The following PITPNB variants were observed in gnomAD, a reference collection of about 807,000 sequenced individuals.
PITPNB encodes phosphatidylinositol transfer protein beta, also known as phosphatidylinositol transfer protein beta isoform.
A neutral mutation model predicts 45.9 loss-of-function variants in PITPNB; 16 were observed. That is an observed-to-expected ratio of 0.35 (90% confidence interval 0.24 to 0.53). The LOEUF (loss-of-function observed/expected upper bound fraction) is 0.53, where lower values mean the gene tolerates loss of function less well. Ranked by LOEUF, PITPNB falls within the 20% of genes least tolerant of loss-of-function variation. PITPNB has a pLI of 0.93. For synonymous variants in PITPNB, 112 were observed against 108.9 expected (o/e 1.03, Z -0.18); for missense variants, 188 against 330.5 (o/e 0.57, Z 3.34).
chr22:27,866,411 G>C (rs991968813), intron 8 of PITPNB, among the ~76,000 whole-genome samples: 4 of 152,172 alleles, frequency 2.6e-5, no homozygotes, highest in Non-Finnish European at 5.9e-5. Context: ...ATGTATACTA[G>C]AGGCACACAA....
intron 7 of PITPNB, among the ~76,000 whole-genome samples, chr22:27,879,570 GTA>G (rs1244480812): frequency 6.6e-6 from 1 of 152,010 alleles, no homozygotes; most frequent in African/African-American, 2.4e-5. Flanking sequence ...TTTATTACTA[GTA>G]TATGTTTATA....
intron 7 of PITPNB, among the ~76,000 whole-genome samples, chr22:27,879,156 G>A (rs1490068390): frequency 6.6e-6 from 1 of 152,038 alleles, no homozygotes; most frequent in Non-Finnish European, 1.5e-5. Context: ...TAAACTAATC[G>A]TTCATTCCAT....
intron 3 of PITPNB, among the ~76,000 whole-genome samples, chr22:27,906,793 A>T (rs1050940935): frequency 6.6e-6 from 1 of 152,246 alleles, no homozygotes; most frequent in Non-Finnish European, 1.5e-5. Flanking sequence ...ATCCCATGAG[A>T]TGATGTATCA....
intron 6 of PITPNB, among the ~76,000 whole-genome samples, chr22:27,894,873 A>G (rs1935391443): frequency 6.6e-6 from 1 of 152,224 alleles, no homozygotes; most frequent in Non-Finnish European, 1.5e-5. Context: ...AAATGAATAG[A>G]AACCTGTCAA....
chr22:27,905,002 C>A (rs760958632), intron 3 of PITPNB, among the ~76,000 whole-genome samples: 11 of 152,172 alleles, frequency 7.2e-5, no homozygotes, highest in Non-Finnish European at 1.3e-4. Context: ...TGATATTTTT[C>A]AGAAACAGGA....
chr22:27,907,439 C>A (rs1466423926), intron 3 of PITPNB, among the ~76,000 whole-genome samples: 1 of 152,226 alleles, frequency 6.6e-6, no homozygotes, highest in Admixed American at 6.5e-5. Flanking sequence ...TGCCCCATAG[C>A]CATTCCCTCC....
intron 5 of PITPNB, 172 bp downstream of exon 5, chr22:27,896,958 A>G: frequency 1.5e-6 from 1 of 660,018 alleles, no homozygotes; most frequent in Non-Finnish European, 2.8e-6. Context: ...CAAGGGTGGA[A>G]AGGGCCCATG....
intron 3 of PITPNB, among the ~76,000 whole-genome samples, chr22:27,910,273 T>TGTA (rs1449561777): frequency 6.6e-6 from 1 of 151,922 alleles, no homozygotes; most frequent in Non-Finnish European, 1.5e-5. Context: ...TTGTTGTTGT[T>TGTA]GTACTAGAGA....
chr22:27,870,344 G>C (rs972709356), intron 8 of PITPNB, among the ~76,000 whole-genome samples: 1 of 152,164 alleles, frequency 6.6e-6, no homozygotes, highest in Non-Finnish European at 1.5e-5. Context: ...AGTAAATACT[G>C]CAATAATTCA....
chr22:27,877,605 GATT>G (rs1934855837), intron 7 of PITPNB, among the ~76,000 whole-genome samples: 1 of 152,174 alleles, frequency 6.6e-6, no homozygotes, highest in Admixed American at 6.5e-5. Context: ...ATAGAAACCG[GATT>G]CATTTCGAAT....
chr22:27,894,712 T>C (rs911729569), intron 6 of PITPNB, 74 bp from the exon 7 acceptor site: 3 of 817,186 alleles, frequency 3.7e-6, no homozygotes. Flanking sequence ...ATAATCTTTA[T>C]CTTGAGTCTC....
chr22:27,919,058 G>A (rs1327192199), intron 1 of PITPNB, 114 bp downstream of exon 1: 7 of 1,539,172 alleles, frequency 4.5e-6, no homozygotes, highest in East Asian at 2.2e-5. Context: ...GCGCCCGCAG[G>A]GAGGGGCTGA....
At chr22:27,862,890 A>C (rs1934380179) in intron 8 of PITPNB, among the ~76,000 whole-genome samples, 1 of 151,836 alleles carries the variant, frequency 6.6e-6, no homozygotes, top group Non-Finnish European at 1.5e-5. Context: ...TTTACATACT[A>C]CTCCCCTTGC....
At chr22:27,875,910 G>T (rs1345603186) in intron 7 of PITPNB, among the ~76,000 whole-genome samples, 1 of 152,188 alleles carries the variant, frequency 6.6e-6, no homozygotes, top group East Asian at 1.9e-4. Context: ...TGCCAACAGA[G>T]AATGGAGACA....
At chr22:27,883,467 T>C (rs569194648) in intron 7 of PITPNB, among the ~76,000 whole-genome samples, 1 of 152,356 alleles carries the variant, frequency 6.6e-6, no homozygotes, top group Admixed American at 6.5e-5. Flanking sequence ...TCACCATTAA[T>C]AATGTATACT....
At chr22:27,858,818 T>G (rs903195966) in intron 9 of PITPNB, among the ~76,000 whole-genome samples, 4 of 152,188 alleles carry the variant, frequency 2.6e-5, no homozygotes, top group Non-Finnish European at 5.9e-5. Flanking sequence ...GCCTGATTTA[T>G]TTTTACCTTT....
intron 8 of PITPNB, among the ~76,000 whole-genome samples, chr22:27,867,374 T>C (rs1406087888): frequency 6.6e-6 from 1 of 152,218 alleles, no homozygotes; most frequent in Non-Finnish European, 1.5e-5. Flanking sequence ...AAGTCCCATC[T>C]GGTGGGGTAA....
At chr22:27,913,205 T>C (rs1316165009) in intron 2 of PITPNB, among the ~76,000 whole-genome samples, 1 of 152,156 alleles carries the variant, frequency 6.6e-6, no homozygotes, top group Non-Finnish European at 1.5e-5. Context: ...TCTGGAGTGT[T>C]TTAATACAGT....
At chr22:27,915,530 G>A (rs1936051416) in intron 1 of PITPNB, among the ~76,000 whole-genome samples, 2 of 151,766 alleles carry the variant, frequency 1.3e-5, no homozygotes, top group African/African-American at 4.8e-5. Context: ...ATGTCTGAAT[G>A]TTCACATTAC....
Sources: gnomAD v4.1 joint callset for allele counts (sites outside exome capture counted in the v4.1 genomes callset) on GRCh38, gnomAD v4.1.1 for gene constraint, MANE v1.5 for transcripts, NCBI Gene and HGNC (gene_info 2026-07-23, HGNC 2026-07-21) for gene names.